Variants in LRRN3 observed in about 807,000 individuals in gnomAD.
The protein encoded by LRRN3 is leucine-rich repeat neuronal protein 3.
LRRN3 carries 15 observed loss-of-function variants against 40.1 expected under a neutral mutation model. The ratio of observed to expected loss-of-function variants is 0.37; its 90% CI spans 0.25 to 0.58. The LOEUF (loss-of-function observed/expected upper bound fraction) is 0.58, where lower values mean the gene tolerates loss of function less well. Among genes scored for constraint, LRRN3 ranks in the 20% least tolerant of loss-of-function variants. The probability of loss-of-function intolerance (pLI) is 0.72; values close to 1 mark genes in which losing one functional copy is unlikely to be tolerated. For synonymous variants in LRRN3, 308 were observed against 297.2 expected (o/e 1.04, Z -0.37); for missense variants, 746 against 837.7 (o/e 0.89, Z 1.35).
intron 2 of LRRN3, among the ~76,000 whole-genome samples, chr7:111,100,236 C>T (rs933959198): frequency 1.3e-5 from 2 of 151,468 alleles, no homozygotes; most frequent in Non-Finnish European, 3.0e-5. Context: ...ATCACCCAAG[C>T]AGTGTACACT....
intron 2 of LRRN3, among the ~76,000 whole-genome samples, chr7:111,109,508 T>C (rs1254018511): frequency 6.6e-6 from 1 of 152,144 alleles, no homozygotes; most frequent in Non-Finnish European, 1.5e-5. Flanking sequence ...ATCAAGTACA[T>C]ATATATCTGC....
At position 111,124,247 on chromosome 7, in the gene LRRN3, G is replaced by A. The variant is rs2129589894; in HGVS notation, c.1475G>A (p.Gly492Asp). The part of the protein sequence containing the change: ...DINGVTPKEG[G>D]LYTCIATNLV... ...AATGGCGTAACTCCCAAAGAAGGGG[G>A]TTTATATACTTGTATAGCAACTAAC... Residue 492 changes from glycine (G) to aspartate (D), a missense_variant, in exon 3 of 3, where the codon GGT (glycine) becomes GAT (aspartate). By Grantham distance (94) the Gly-to-Asp change is moderately conservative (BLOSUM62 -1). Coordinates refer to ENST00000308478, the MANE Select transcript of LRRN3 (RefSeq NM_001099658.2). 1 of 1,613,944 alleles carries A rather than the reference G, an allele frequency of 6.2e-7. No individual in the cohort carries two copies. The highest frequency in any genetic ancestry group is 1.7e-5 in the Admixed American group (1 of 59,948).
chr7:111,097,729 T>C (rs1797554921), intron 1 of LRRN3, among the ~76,000 whole-genome samples: 1 of 151,914 alleles, frequency 6.6e-6, no homozygotes, highest in Non-Finnish European at 1.5e-5. Flanking sequence ...TTTAATTCTA[T>C]TTTTATCAAA....
intron 2 of LRRN3, among the ~76,000 whole-genome samples, chr7:111,108,202 T>C (rs745477998): frequency 2.6e-5 from 4 of 152,178 alleles, no homozygotes; most frequent in Non-Finnish European, 5.9e-5. Flanking sequence ...GCAACAAGCA[T>C]GGTCTGGCCT....
At chr7:111,095,728 G>C (rs1380936221) in intron 1 of LRRN3, among the ~76,000 whole-genome samples, 1 of 151,936 alleles carries the variant, frequency 6.6e-6, no homozygotes. Context: ...ATTCTGAAGA[G>C]GCTTTCCACA....
At chr7:111,103,194 C>T (rs1798170764) in intron 2 of LRRN3, among the ~76,000 whole-genome samples, 1 of 151,606 alleles carries the variant, frequency 6.6e-6, no homozygotes. Context: ...AACTGCATTA[C>T]TCCATCATCT....
chr7:111,115,112 A>T (rs1329004984), intron 2 of LRRN3, among the ~76,000 whole-genome samples: 2 of 152,168 alleles, frequency 1.3e-5, no homozygotes, highest in East Asian at 3.9e-4. Context: ...TACATTTGGG[A>T]CCATATAAAT....
At chr7:111,103,972 A>T (rs1798260889) in intron 2 of LRRN3, among the ~76,000 whole-genome samples, 1 of 151,508 alleles carries the variant, frequency 6.6e-6, no homozygotes, top group South Asian at 2.1e-4. Flanking sequence ...CAATTCAAGA[A>T]ATTTTAGGGT....
chr7:111,115,876 T>A (rs1005552464), intron 2 of LRRN3, among the ~76,000 whole-genome samples: 3 of 151,880 alleles, frequency 2.0e-5, no homozygotes, highest in African/African-American at 7.3e-5. Flanking sequence ...TGGGTTTCAC[T>A]ATGTTGACCA....
Position 111,124,627 on chromosome 7 carries a change from A to G in LRRN3, c.1855A>G (p.Lys619Glu), listed in dbSNP as rs1205896844. 6.2e-6 allele frequency: 10 copies of G among 1,614,032 alleles called. No homozygotes were observed. In the South Asian group the frequency reaches 1.1e-4, roughly 18 times the overall value. The part of the protein sequence containing the change: ...VTTKGLHPDQ[K>E]EYEKNNTTTL... Reference sequence around the variant, plus strand: ...CACCAAAGGTTTGCACCCTGATCAAAAAGAGTATGAAAAGAATAATACCAC... The same window carrying G: ...CACCAAAGGTTTGCACCCTGATCAAGAAGAGTATGAAAAGAATAATACCAC... Residue 619 changes from lysine (K) to glutamate (E), a missense_variant, in exon 3 of 3, where the codon AAA (lysine) becomes GAA (glutamate). Transcript: ENST00000308478.
intron 2 of LRRN3, among the ~76,000 whole-genome samples, chr7:111,106,103 T>C (rs529276268): frequency 3.3e-4 from 50 of 152,060 alleles, no homozygotes; most frequent in African/African-American, 1.1e-3. Flanking sequence ...CAGAGGACCT[T>C]AGAACATATA....
intron 2 of LRRN3, among the ~76,000 whole-genome samples, chr7:111,100,383 G>GTA (rs967660175): frequency 4.2e-4 from 63 of 148,444 alleles, no homozygotes; most frequent in South Asian, 2.7e-3. Flanking sequence ...AAGATCAGGA[G>GTA]TATATATATA....
At chr7:111,105,777 A>G (rs1029333169) in intron 2 of LRRN3, among the ~76,000 whole-genome samples, 35 of 151,930 alleles carry the variant, frequency 2.3e-4, no homozygotes, top group African/African-American at 8.2e-4. Flanking sequence ...AAATCCATAA[A>G]AATATAAAAG....
At chr7:111,105,807 T>C (rs1798484434) in intron 2 of LRRN3, among the ~76,000 whole-genome samples, 1 of 151,920 alleles carries the variant, frequency 6.6e-6, no homozygotes, top group African/African-American at 2.4e-5. Context: ...GAGATGCCTA[T>C]ATCTAGTCAC....
intron 2 of LRRN3, among the ~76,000 whole-genome samples, chr7:111,119,433 G>A (rs749365949): frequency 1.3e-5 from 2 of 152,084 alleles, no homozygotes; most frequent in African/African-American, 4.8e-5. Context: ...CCAGTAATTG[G>A]CATGTAGAAA....
At chr7:111,103,038 G>T (rs9987043) in intron 2 of LRRN3, among the ~76,000 whole-genome samples, 5,526 of 151,584 alleles carry the variant, frequency 0.036, 311 homozygotes, top group African/African-American at 0.13. Context: ...AGTGTCCATT[G>T]ATCATAGTGA....
intron 2 of LRRN3, among the ~76,000 whole-genome samples, chr7:111,104,730 T>C (rs1457955552): frequency 6.6e-6 from 1 of 151,812 alleles, no homozygotes; most frequent in Non-Finnish European, 1.5e-5. Flanking sequence ...AGCGATGAGA[T>C]GTTAATGTAT....
chr7:111,110,749 T>C (rs1376628217), intron 2 of LRRN3, among the ~76,000 whole-genome samples: 1 of 152,202 alleles, frequency 6.6e-6, no homozygotes, highest in African/African-American at 2.4e-5. Context: ...ACATTACTGA[T>C]ATTAATTTAA....
chr7:111,096,251 A>C (rs1797385099), intron 1 of LRRN3, among the ~76,000 whole-genome samples: 1 of 151,840 alleles, frequency 6.6e-6, no homozygotes, highest in Admixed American at 6.6e-5. Flanking sequence ...GAGGTTAGAG[A>C]CTTGCTAGCA....
Sources: allele counts gnomAD v4.1 joint callset (sites outside exome capture counted in the v4.1 genomes callset), GRCh38; gene constraint gnomAD v4.1.1; transcripts MANE v1.5; gene names NCBI Gene and HGNC (gene_info 2026-07-23, HGNC 2026-07-21).